Variants in RAB31 observed in about 807,000 individuals in gnomAD.
RAB31 encodes the protein ras-related protein Rab-31.
In RAB31, 21 loss-of-function variants were observed where a neutral mutation model predicts 25.6. The observed-to-expected ratio is 0.82, with a 90% CI of 0.58 to 1.18. The LOEUF (loss-of-function observed/expected upper bound fraction) is 1.18. Among genes scored for constraint, RAB31 ranks in the 50% most tolerant of loss-of-function variants. RAB31 has a pLI of 0.00. For synonymous variants in RAB31, 87 were observed against 84.0 expected, an observed-to-expected ratio of 1.04 and a Z score of -0.20; for missense variants, 196 against 250.1, an observed-to-expected ratio of 0.78 and a Z score of 1.46.
chr18:9,776,143 G>A (rs2068371267), intron 2 of RAB31, among the ~76,000 whole-genome samples: 1 of 152,172 alleles, frequency 6.6e-6, no homozygotes, highest in Admixed American at 6.5e-5. Flanking sequence ...GTGGGGAGGG[G>A]TGGAAGTGCA....
At chr18:9,719,337 A>G (rs1241840617) in intron 1 of RAB31, among the ~76,000 whole-genome samples, 1 of 99,128 alleles carries the variant, frequency 1.0e-5, no homozygotes, top group Non-Finnish European at 2.0e-5. Context: ...ATAAATAAAT[A>G]AATTTGATCT....
At position 9,815,188 on chromosome 18, in the gene RAB31, A is replaced by G. The variant is rs1274429500; in HGVS notation, c.346A>G (p.Ile116Val). ...EHGPENIVMA[I>V]AGNKCDLSDI... The stretch of plus-strand genomic sequence containing the variant: ...TGGTCCAGAAAACATTGTAATGGCC[A>G]TCGCTGGAAACAAGTGCGACCTCTC... Residue 116 changes from isoleucine (I) to valine (V), a missense_variant, in exon 5 of 7, where the codon ATC becomes GTC. Coordinates refer to ENST00000578921, the MANE Select transcript of RAB31 (RefSeq NM_006868.4). 1.9e-6 allele frequency: 3 copies of G among 1,556,566 alleles called. No homozygotes were observed. Among genetic ancestry groups the G allele is most frequent in the South Asian group, 2.4e-5 (2 of 84,340 alleles).
chr18:9,747,037 G>T (rs1023971064), intron 1 of RAB31, among the ~76,000 whole-genome samples: 1 of 152,156 alleles, frequency 6.6e-6, no homozygotes, highest in Non-Finnish European at 1.5e-5. Flanking sequence ...CTGGTATCCA[G>T]ATATAAAGTA....
intron 6 of RAB31, among the ~76,000 whole-genome samples, chr18:9,851,653 C>T (rs624898): frequency 0.64 from 97,665 of 152,004 alleles, 31,435 homozygotes; most frequent in South Asian, 0.75. Context: ...TTATTCATGA[C>T]AGCAGAAAAC....
intron 5 of RAB31, among the ~76,000 whole-genome samples, chr18:9,820,060 G>C (rs1300871490): frequency 6.6e-6 from 1 of 151,730 alleles, no homozygotes; most frequent in Non-Finnish European, 1.5e-5. Context: ...TCTTTTTCTT[G>C]ACTAATTTCT....
intron 1 of RAB31, among the ~76,000 whole-genome samples, chr18:9,727,380 G>A (rs1165907033): frequency 6.6e-6 from 1 of 152,152 alleles, no homozygotes; most frequent in African/African-American, 2.4e-5. Context: ...GCAGTGGTGT[G>A]ATCATAGCTT....
intron 1 of RAB31, among the ~76,000 whole-genome samples, chr18:9,758,835 T>A (rs933171781): frequency 1.3e-5 from 2 of 151,826 alleles, no homozygotes; most frequent in Non-Finnish European, 2.9e-5. Flanking sequence ...AAAGCAAGGG[T>A]GACTACAAAA....
chr18:9,778,937 AAATCATAAGGAAGCGAAAATATATTTACT>A (rs1444784432), intron 2 of RAB31, among the ~76,000 whole-genome samples: 2 of 152,268 alleles, frequency 1.3e-5, no homozygotes, highest in African/African-American at 4.8e-5. Context: ...ATTACTAAGA[AAATCATAAGGAAGCGAAAATATATTTACT>A]ATTCATTAAG....
rs138283727 is a variant in RAB31, at chr18:9,822,850, T to C, written c.380+7628T>C. Among the ~76,000 whole-genome samples the C allele has an allele frequency of 2.4e-4, 36 of 152,350 alleles. No individual in the cohort carries two copies. The Middle Eastern group carries it at 0.014, about 58-fold the overall frequency. On this transcript the variant is annotated intron_variant, in intron 5 of 6. Coordinates refer to ENST00000578921, the MANE Select transcript of RAB31 (RefSeq NM_006868.4). ...GGCACAGCCACTCTGGAAAACAGTT[T>C]GGCAGTTTCTTATAAAACTAAACGT... is the stretch of plus-strand genomic sequence containing the variant.
chr18:9,732,349 CCCAAGT>C (rs932710134), intron 1 of RAB31, among the ~76,000 whole-genome samples: 1 of 152,238 alleles, frequency 6.6e-6, no homozygotes, highest in Non-Finnish European at 1.5e-5. Context: ...TCCCCAGAGG[CCCAAGT>C]CCTGCACCCA....
intron 1 of RAB31, among the ~76,000 whole-genome samples, chr18:9,724,822 T>C (rs146426859): frequency 1.4e-4 from 22 of 152,340 alleles, no homozygotes; most frequent in African/African-American, 5.3e-4. Flanking sequence ...TGCCAGGGAC[T>C]GTGCTCAGTG....
intron 1 of RAB31, among the ~76,000 whole-genome samples, chr18:9,730,480 G>C (rs2068117450): frequency 6.6e-6 from 1 of 152,054 alleles, no homozygotes; most frequent in South Asian, 2.1e-4. Context: ...AGTAGAGACA[G>C]GGTCTCACCG....
chr18:9,723,130 C>T (rs1377628976), intron 1 of RAB31, among the ~76,000 whole-genome samples: 1 of 152,162 alleles, frequency 6.6e-6, no homozygotes, highest in Admixed American at 6.5e-5. Context: ...TCACTGCAAC[C>T]TCTGCCTCCC....
chr18:9,822,253 G>A (rs773663469), intron 5 of RAB31, among the ~76,000 whole-genome samples: 4 of 151,982 alleles, frequency 2.6e-5, no homozygotes, highest in Non-Finnish European at 5.9e-5. Flanking sequence ...TAGAGTAATC[G>A]GACATCAATA....
intron 1 of RAB31, among the ~76,000 whole-genome samples, chr18:9,718,967 G>A (rs1470206994): frequency 6.6e-6 from 1 of 151,858 alleles, no homozygotes; most frequent in African/African-American, 2.4e-5. Context: ...ATAAAGTGAT[G>A]CATGCTAATT....
chr18:9,824,513 A>G (rs2068640519), intron 5 of RAB31, among the ~76,000 whole-genome samples: 1 of 151,986 alleles, frequency 6.6e-6, no homozygotes, highest in South Asian at 2.1e-4. Flanking sequence ...TGGTTGTGTA[A>G]GCTTGTCAAT....
intron 1 of RAB31, among the ~76,000 whole-genome samples, chr18:9,724,512 C>T (rs931501890): frequency 6.6e-6 from 1 of 152,002 alleles, no homozygotes; most frequent in African/African-American, 2.4e-5. Context: ...CTTTATATGC[C>T]CTTGGCTTCT....
chr18:9,812,953 C>T (rs141715504), intron 3 of RAB31, among the ~76,000 whole-genome samples: 156 of 152,256 alleles, frequency 1.0e-3, no homozygotes, highest in African/African-American at 3.6e-3. Context: ...CTGCCTCAGC[C>T]TCCCAAGTGT....
intron 3 of RAB31, among the ~76,000 whole-genome samples, chr18:9,800,661 C>A (rs185153151): frequency 2.0e-4 from 31 of 152,278 alleles, no homozygotes; most frequent in Admixed American, 9.8e-4. Context: ...GATGAGCCAA[C>A]TTTCATCTTT....
Sources: allele counts gnomAD v4.1 joint callset (sites outside exome capture counted in the v4.1 genomes callset), GRCh38; gene constraint gnomAD v4.1.1; transcripts MANE v1.5; gene names NCBI Gene and HGNC (gene_info 2026-07-23, HGNC 2026-07-21).